IL1RAP: variants seen among roughly 807,000 people sequenced by gnomAD.
IL1RAP encodes the protein interleukin 1 receptor accessory protein, also known as interleukin-1 receptor accessory protein.
Under a neutral mutation model 60.7 loss-of-function variants are expected in IL1RAP, and 35 were observed. The observed-to-expected ratio is 0.58, with a 90% CI of 0.44 to 0.76. IL1RAP has a LOEUF of 0.76. Ranked by LOEUF, IL1RAP falls within the 30% of genes least tolerant of loss-of-function variation. The pLI, the probability that IL1RAP is intolerant of heterozygous loss-of-function variation, is 0.00. For missense variants in IL1RAP, 572 were observed against 693.9 expected, an observed-to-expected ratio of 0.82 and a Z score of 1.97; for synonymous variants, 268 against 250.9, an observed-to-expected ratio of 1.07 and a Z score of -0.64.
At chr3:190,539,184 A>C (rs1043574477) in intron 1 of IL1RAP, among the ~76,000 whole-genome samples, 8 of 152,116 alleles carry the variant, frequency 5.3e-5, no homozygotes, top group Admixed American at 5.2e-4. Context: ...TTTAAAGCAT[A>C]GGGAAATACT....
chr3:190,522,425 A>ATCTG (rs1722154239), intron 1 of IL1RAP, among the ~76,000 whole-genome samples: 1 of 102,260 alleles, frequency 9.8e-6, no homozygotes, highest in Admixed American at 9.8e-5. Flanking sequence ...CTATGTATCT[A>ATCTG]TCTATCTATC....
chr3:190,562,807 T>C lies in IL1RAP; in HGVS notation c.-1-1482T>C, dbSNP rs191759382. On this transcript the variant is annotated intron_variant, in intron 2 of 11. Coordinates refer to ENST00000447382, the MANE Select transcript of IL1RAP (RefSeq NM_002182.4). ...AGAAGGAGAAAATGCTCAATACATG[T>C]TTTATTGAATAAATGAAAGACTGAT... Among the ~76,000 whole-genome samples the C allele has an allele frequency of 4.4e-3, 664 of 152,112 alleles. 4 individuals carry two copies. Among genetic ancestry groups the C allele is most frequent in the Non-Finnish European group, 7.9e-3 (540 of 67,982 alleles).
intron 3 of IL1RAP, among the ~76,000 whole-genome samples, chr3:190,602,363 A>G (rs1729935745): frequency 6.6e-6 from 1 of 152,176 alleles, no homozygotes; most frequent in African/African-American, 2.4e-5. Flanking sequence ...ATGATTTCCA[A>G]TGCAAGCTTT....
At chr3:190,537,442 TGGGAAATTAGCAGCTTTTGACA>T (rs1171692855) in intron 1 of IL1RAP, among the ~76,000 whole-genome samples, 1 of 152,168 alleles carries the variant, frequency 6.6e-6, no homozygotes, top group Non-Finnish European at 1.5e-5. Flanking sequence ...TGAAACATTT[TGGGAAATTAGCAGCTTTTGACA>T]GTAAATACGA....
chr3:190,631,857 G>A (rs2108825125), intron 9 of IL1RAP, among the ~76,000 whole-genome samples: 2 of 152,266 alleles, frequency 1.3e-5, no homozygotes, highest in Admixed American at 1.3e-4. Flanking sequence ...CTGAAGTGCA[G>A]TGGCATGATC....
chr3:190,551,999 A>G (rs1236126015), intron 1 of IL1RAP, among the ~76,000 whole-genome samples: 1 of 152,198 alleles, frequency 6.6e-6, no homozygotes, highest in Non-Finnish European at 1.5e-5. Context: ...CATTTTGGCA[A>G]TCCAACGTAC....
At chr3:190,630,166 G>A (rs1431399635) in intron 9 of IL1RAP, 1 of 767,528 alleles carries the variant, frequency 1.3e-6, no homozygotes, top group Non-Finnish European at 1.6e-6. Context: ...TTGCTAAAAT[G>A]AAAATCATTT....
chr3:190,578,025 A>T (rs1292960931), intron 3 of IL1RAP, among the ~76,000 whole-genome samples: 1 of 152,244 alleles, frequency 6.6e-6, no homozygotes, highest in Non-Finnish European at 1.5e-5. Context: ...GGGCATAAAC[A>T]TGGGAACAAT....
At chr3:190,641,518 G>T (rs1432392374) in intron 9 of IL1RAP, among the ~76,000 whole-genome samples, 1 of 152,156 alleles carries the variant, frequency 6.6e-6, no homozygotes, top group African/African-American at 2.4e-5. Flanking sequence ...TATCAAGATT[G>T]CTCTACAAAA....
intron 3 of IL1RAP, among the ~76,000 whole-genome samples, chr3:190,578,614 C>G (rs1727706473): frequency 6.6e-6 from 1 of 152,184 alleles, no homozygotes; most frequent in South Asian, 2.1e-4. Flanking sequence ...TAGCAACTCC[C>G]CACTTTCCTC....
At chr3:190,565,543 G>A (rs1726310313) in intron 3 of IL1RAP, among the ~76,000 whole-genome samples, 1 of 152,142 alleles carries the variant, frequency 6.6e-6, no homozygotes, top group South Asian at 2.1e-4. Flanking sequence ...CTAAAGGAGT[G>A]GTATAAGTAG....
At chr3:190,618,393 C>T (rs773262782) in intron 5 of IL1RAP, among the ~76,000 whole-genome samples, 3 of 152,186 alleles carry the variant, frequency 2.0e-5, no homozygotes, top group Non-Finnish European at 4.4e-5. Context: ...AGCCTCAACT[C>T]ACTGCTGAGG....
chr3:190,654,190 T>TCACTCACACACACA (rs1553854862), downstream of IL1RAP, among the ~76,000 whole-genome samples: 1 of 140,414 alleles, frequency 7.1e-6, no homozygotes, highest in Non-Finnish European at 1.5e-5. Context: ...AAACATCATA[T>TCACTCACACACACA]CACACACACA....
chr3:190,630,440 T>C (rs1433921028), intron 9 of IL1RAP, among the ~76,000 whole-genome samples: 1 of 152,158 alleles, frequency 6.6e-6, no homozygotes, highest in Non-Finnish European at 1.5e-5. Flanking sequence ...TCCTGGCTCC[T>C]AGTCTATAGA....
chr3:190,636,421 C>G (rs778094290), intron 9 of IL1RAP, among the ~76,000 whole-genome samples: 2 of 152,138 alleles, frequency 1.3e-5, no homozygotes, highest in African/African-American at 4.8e-5. Context: ...TTAGGATTGA[C>G]AAGTCTTTTT....
chr3:190,586,456 C>T (rs1219279495), intron 3 of IL1RAP, among the ~76,000 whole-genome samples: 2 of 152,292 alleles, frequency 1.3e-5, no homozygotes, highest in East Asian at 3.9e-4. Context: ...CTGGAGGTGA[C>T]AGGGGGCTCT....
At chr3:190,579,448 G>A (rs751039674) in intron 3 of IL1RAP, among the ~76,000 whole-genome samples, 7 of 152,062 alleles carry the variant, frequency 4.6e-5, no homozygotes, top group African/African-American at 1.2e-4. Flanking sequence ...ATAGAGGCCC[G>A]GAGAGATTAG....
chr3:190,647,836 G>T (rs1252071356), intron 11 of IL1RAP, among the ~76,000 whole-genome samples: 5 of 152,172 alleles, frequency 3.3e-5, no homozygotes, highest in Non-Finnish European at 5.9e-5. Flanking sequence ...TAACTTTGTT[G>T]TCCTGTCCTA....
chr3:190,626,140 C>T (rs1732243024), intron 7 of IL1RAP, among the ~76,000 whole-genome samples: 2 of 152,146 alleles, frequency 1.3e-5, no homozygotes. Context: ...TCTGGGCAAA[C>T]TGGGATGGAA....
Sources: gnomAD v4.1 joint callset for allele counts (sites outside exome capture counted in the v4.1 genomes callset) on GRCh38, gnomAD v4.1.1 for gene constraint, MANE v1.5 for transcripts, NCBI Gene and HGNC (gene_info 2026-07-23, HGNC 2026-07-21) for gene names.